Variants in TBC1D24 observed in about 807,000 individuals in gnomAD.
The protein encoded by TBC1D24 is Infantile myoclonic epilepsy.
TBC1D24 carries 47 observed loss-of-function variants against 50.7 expected under a neutral mutation model. The ratio of observed to expected loss-of-function variants is 0.93; its 90% CI spans 0.73 to 1.18. The LOEUF is 1.18. TBC1D24 is among the 50% of genes most tolerant of loss of function. The probability of loss-of-function intolerance (pLI) is 0.00; values close to 1 mark genes in which losing one functional copy is unlikely to be tolerated. For synonymous variants in TBC1D24, 324 were observed against 335.2 expected (o/e 0.97, Z 0.36); for missense variants, 688 against 766.5 (o/e 0.90, Z 1.21).
chr16:2,490,926 C>G (rs77744514), intron 1 of TBC1D24, among the ~76,000 whole-genome samples: 2 of 152,222 alleles, frequency 1.3e-5, no homozygotes, highest in Non-Finnish European at 2.9e-5. Flanking sequence ...TGCGTAGGAG[C>G]AGGTGCGGCT....
rs2065624177 is a variant in TBC1D24 at position 2,483,349 on chromosome 16, T to G, written c.-116+8179T>G. On this transcript the variant is annotated intron_variant, in intron 1 of 7. Transcript: ENST00000646147. The surrounding 1 kb of genome is among the most constrained non-coding windows in gnomAD (Gnocchi z 4.0). The stretch of plus-strand genomic sequence containing the variant: ...CTCGTGCCTCGGGCTCACTTCCTCG[T>G]GCAGTTTATCCATATGGCTGAGACA... The G allele has an allele frequency of 6.6e-6, 1 of 152,268 alleles. No homozygotes were observed. Among genetic ancestry groups the G allele is most frequent in the Non-Finnish European group, 1.5e-5 (1 of 68,118 alleles). 9.4% of individuals were successfully genotyped at this position (152,268 alleles called of 1,614,324 possible).
intron 1 of TBC1D24, among the ~76,000 whole-genome samples, chr16:2,491,731 T>C (rs1333386936): frequency 1.3e-5 from 2 of 152,172 alleles, no homozygotes; most frequent in African/African-American, 2.4e-5. Flanking sequence ...ATTTTTTGTA[T>C]TTTTAGTAGA....
At position 2,482,093 on chromosome 16, in the gene TBC1D24, A is replaced by G. The variant is rs753503781; in HGVS notation, c.-116+6923A>G. The G allele has an allele frequency of 6.6e-6, 1 of 152,262 alleles. No homozygotes were observed. Among genetic ancestry groups the G allele is most frequent in the Non-Finnish European group, 1.5e-5 (1 of 68,044 alleles). 9.4% of individuals were successfully genotyped at this position (152,262 alleles called of 1,614,324 possible). On this transcript the variant is annotated intron_variant, in intron 1 of 7. Coordinates refer to ENST00000646147, the MANE Select transcript of TBC1D24 (RefSeq NM_001199107.2). The surrounding 1 kb of genome is among the most constrained non-coding windows in gnomAD (Gnocchi z 5.2). ...CTGTTATGTGAAGATGCCTGCAGGA[A>G]AGGTCACACCTAGGGTGGGTGGACT...
At chr16:2,484,883 T>G (rs1433997712) in intron 1 of TBC1D24, 5 of 152,350 alleles carry the variant, frequency 3.3e-5, no homozygotes, top group Non-Finnish European at 5.9e-5. Flanking sequence ...GGGCCCCTCA[T>G]GAAGAAATCA....
intron 1 of TBC1D24, chr16:2,476,495 G>A (rs1192735909): frequency 6.6e-6 from 1 of 152,242 alleles, no homozygotes; most frequent in Non-Finnish European, 1.5e-5. Flanking sequence ...TGACCCCTGC[G>A]TGCACCGCCT....
At chr16:2,497,246 G>A (rs1173718606) in intron 2 of TBC1D24, 133 bp downstream of exon 2, 6 of 1,208,226 alleles carry the variant, frequency 5.0e-6, no homozygotes, top group African/African-American at 1.5e-5. Flanking sequence ...GTGCATGGCT[G>A]AAAAGACACT....
rs766745103 is a variant in TBC1D24, at chr16:2,497,099, C to T, written c.951C>T (p.Thr317=). ...AAGCCCTGAAGCAGAAGGGCATCACCGTGAAGCAGAAGAGGTAGGTCGCCG... is the reference window on the plus strand; with the variant it reads ...AAGCCCTGAAGCAGAAGGGCATCACTGTGAAGCAGAAGAGGTAGGTCGCCG... The part of the protein sequence containing the change: ...NEKALKQKGI[T]VKQKSVSLSK... Residue 317 remains threonine, a synonymous_variant, in exon 2 of 8, where the codon ACC becomes ACT. Transcript: ENST00000646147. The T allele has an allele frequency of 9.3e-5, 150 of 1,604,372 alleles. 2 individuals are homozygous for T. The Middle Eastern group carries it at 0.012, about 133-fold the overall frequency.
rs186477659 is a variant in TBC1D24 at position 2,495,901 on chromosome 16, G to A, written c.-115-133G>A. ...GAGAGCAGGGTCACGCCACTGCACC[G>A]CACTCCAACCTGGGCAACAGAGCGA... On this transcript the variant is annotated intron_variant, in intron 1 of 7. Coordinates refer to ENST00000646147, the MANE Select transcript of TBC1D24 (RefSeq NM_001199107.2). The A allele has an allele frequency of 8.5e-4, 420 of 491,572 alleles. 2 individuals are homozygous for A. The highest frequency in any genetic ancestry group is 8.4e-3 in the Middle Eastern group (15 of 1,786). The allele number at this position is 491,572 out of a possible 1,614,324, so 30.5% of individuals were successfully genotyped here.
At position 2,498,383 on chromosome 16, in the gene TBC1D24, T is replaced by C; in HGVS notation, c.1129T>C (p.Tyr377His). Residue 377 changes from tyrosine to histidine, a missense_variant, in exon 4 of 8, where the codon TAC becomes CAC. Coordinates refer to ENST00000646147, the MANE Select transcript of TBC1D24 (RefSeq NM_001199107.2). ...GCTGTTCTCCTCCCTGCAGCACGGG[T>C]ACAGCCTGGCCAGGTAACACCCCAA... ...LLLFSSLQHG[Y>H]SLARFYFQCE... is the part of the protein sequence containing the mutation. The C allele has an allele frequency of 4.4e-6, 7 of 1,606,126 alleles. No individual in the cohort carries two copies. Among genetic ancestry groups the C allele is most frequent in the Non-Finnish European group, 5.9e-6 (7 of 1,176,584 alleles).
At position 2,500,065 on chromosome 16, in the gene TBC1D24, T is replaced by G. The variant is rs1056394548; in HGVS notation, c.1302+135T>G. 3.0e-6 allele frequency: 3 copies of G among 983,702 alleles called. No individual in the cohort carries two copies. In the African/African-American group the frequency reaches 4.8e-5, roughly 16 times the overall value. The allele number at this position is 983,702 out of a possible 1,614,324, so 60.9% of individuals were successfully genotyped here. A position where few individuals can be genotyped will look rare whatever the true frequency, so the allele number is the denominator to read the frequency against. On this transcript the variant is annotated intron_variant, in intron 6 of 7. Coordinates refer to ENST00000646147, the MANE Select transcript of TBC1D24 (RefSeq NM_001199107.2). The surrounding 1 kb of genome is among the most constrained non-coding windows in gnomAD (Gnocchi z 8.0). Reference sequence around the variant, plus strand: ...CCAGCAGCGTCATCGCCCTGTGTGCTTCCGGGTTTGATCATTCAGCCGTGC... The same window carrying G: ...CCAGCAGCGTCATCGCCCTGTGTGCGTCCGGGTTTGATCATTCAGCCGTGC...
chr16:2,479,935 C>G (rs573626021), intron 1 of TBC1D24: 1 of 152,002 alleles, frequency 6.6e-6, no homozygotes, highest in South Asian at 2.1e-4. Flanking sequence ...CGGGTTCAAG[C>G]GATTCTTCTG....
chr16:2,501,064 T>TGG lies in TBC1D24; in HGVS notation c.*110_*111dup. The TGG allele has an allele frequency of 6.8e-7, 1 of 1,468,398 alleles. No individual in the cohort carries two copies. The highest frequency in any genetic ancestry group is 1.2e-5 in the South Asian group (1 of 83,664). The allele number at this position is 1,468,398 out of a possible 1,614,324, so 91.0% of individuals were successfully genotyped here. The stretch of plus-strand genomic sequence containing the variant: ...GAAACCCCCATGTGGTAGGCAGGGT[T>TGG]GGGGGACGGCAGGACCCCATGGCCA... On this transcript the variant is annotated 3_prime_UTR_variant, in exon 8 of 8. Coordinates refer to ENST00000646147, the MANE Select transcript of TBC1D24 (RefSeq NM_001199107.2).
At chr16:2,495,947 G>T in intron 1 of TBC1D24, 87 bp from the exon 2 acceptor site, 2 of 692,430 alleles carry the variant, frequency 2.9e-6, no homozygotes, top group Non-Finnish European at 4.7e-6. Flanking sequence ...CAAAAGAAAA[G>T]AAAACTACAC....
chr16:2,499,425 G>A lies in TBC1D24; in HGVS notation c.1206+5G>A, dbSNP rs398122968. The A allele has an allele frequency of 1.9e-6, 3 of 1,613,100 alleles. No homozygotes were observed. Among genetic ancestry groups the A allele is most frequent in the Non-Finnish European group, 2.5e-6 (3 of 1,179,650 alleles). ...ATCAAGACCACGCAGAAGGAGGTGA[G>A]CAGGGGCCCTGGAGCCAGGGCTGGC... On this transcript the variant is annotated splice_donor_5th_base_variant and intron_variant, in intron 5 of 7. Coordinates refer to ENST00000646147, the MANE Select transcript of TBC1D24 (RefSeq NM_001199107.2). The surrounding 1 kb of genome is among the most constrained non-coding windows in gnomAD (Gnocchi z 4.0).
Position 2,500,832 on chromosome 16 carries a change from C to T in TBC1D24, c.1554C>T (p.Ile518=), listed in dbSNP as rs369958726. The change falls in exon 8 of 8, where the codon ATC becomes ATT. Residue 518 remains isoleucine, a synonymous_variant. Coordinates refer to ENST00000646147, the MANE Select transcript of TBC1D24 (RefSeq NM_001199107.2). The surrounding 1 kb of genome is among the most constrained non-coding windows in gnomAD (Gnocchi z 8.0). Reference sequence around the variant, plus strand: ...GAGGAGGCGGCCAGGCGCTCTACATCGATGGGGACCTGAACCGGGGCCGCA... The same window carrying T: ...GAGGAGGCGGCCAGGCGCTCTACATTGATGGGGACCTGAACCGGGGCCGCA... ...VGGGGGQALY[I]DGDLNRGRTS... 20 of 1,608,140 alleles carry T rather than the reference C, an allele frequency of 1.2e-5. No homozygotes were observed. Among genetic ancestry groups the T allele is most frequent in the African/African-American group, 8.0e-5 (6 of 74,932 alleles).
In TBC1D24 at chr16:2,501,966, T is replaced by C. The variant is rs1362400687; in HGVS notation, c.*1008T>C. 6.6e-6 allele frequency: 1 copy of C among 152,506 alleles called. No individual in the cohort carries two copies. Among genetic ancestry groups the C allele is most frequent in the African/African-American group, 2.4e-5 (1 of 41,466 alleles). 9.4% of individuals were successfully genotyped at this position (152,506 alleles called of 1,614,324 possible). On this transcript the variant is annotated 3_prime_UTR_variant, in exon 8 of 8. Transcript: ENST00000646147. ...GCCCAGGGTCACGCCCAAGCCCCTC[T>C]TTGTGGCATGCTCATCTCAGTGCAG...
In TBC1D24 at chr16:2,499,710, TG is replaced by T. The variant is rs917657626; in HGVS notation, c.1207-120del. On this transcript the variant is annotated intron_variant, in intron 5 of 7. Transcript: ENST00000646147. The surrounding 1 kb of genome is among the most constrained non-coding windows in gnomAD (Gnocchi z 4.0). ...TTCCCACACCACTCCTGCCCTGGGG[TG>T]GGGGTGGGAGACGGCAATGCCTGCA... is the stretch of plus-strand genomic sequence containing the variant. 252 of 868,008 alleles carry T rather than the reference TG, an allele frequency of 2.9e-4. No individual in the cohort carries two copies. Among genetic ancestry groups the T allele is most frequent in the Middle Eastern group, 2.8e-3 (10 of 3,550 alleles). 53.8% of individuals were successfully genotyped at this position (868,008 alleles called of 1,614,324 possible). A position where few individuals can be genotyped will look rare whatever the true frequency, so the allele number is the denominator to read the frequency against.
chr16:2,480,560 C>T (rs1238674626), intron 1 of TBC1D24: 2 of 152,062 alleles, frequency 1.3e-5, no homozygotes, highest in Admixed American at 1.3e-4. Context: ...GGGTGCCACA[C>T]ACCGAGAGAG....
rs1596973183 is a variant in TBC1D24 at position 2,500,594 on chromosome 16, G to A, written c.1525+104G>A. Reference sequence around the variant, plus strand: ...ACCGGGGTGGCAGAGAAGAGGCCCTGGGTGTCAGGGTGGACCAGGCATGAT... The same window carrying A: ...ACCGGGGTGGCAGAGAAGAGGCCCTAGGTGTCAGGGTGGACCAGGCATGAT... On this transcript the variant is annotated intron_variant, in intron 7 of 7. Coordinates refer to ENST00000646147, the MANE Select transcript of TBC1D24 (RefSeq NM_001199107.2). The surrounding 1 kb of genome is among the most constrained non-coding windows in gnomAD (Gnocchi z 8.0). The A allele has an allele frequency of 1.5e-6, 2 of 1,344,200 alleles. No homozygotes were observed. The highest frequency in any genetic ancestry group is 5.0e-5 in the East Asian group (2 of 39,858). 83.3% of individuals were successfully genotyped at this position (1,344,200 alleles called of 1,614,324 possible).
Sources: allele counts gnomAD v4.1 joint callset (sites outside exome capture counted in the v4.1 genomes callset), GRCh38; gene constraint gnomAD v4.1.1; non-coding constraint Gnocchi (gnomAD v3.1); transcripts MANE v1.5; gene names NCBI Gene and HGNC (gene_info 2026-07-23, HGNC 2026-07-21).